The following KCNH7 variants were observed in gnomAD, a reference collection of about 807,000 sequenced individuals.
KCNH7 encodes the protein potassium voltage-gated channel subfamily H member 7.
In KCNH7, 49 loss-of-function variants were observed where a neutral mutation model predicts 120.8. The ratio of observed to expected loss-of-function variants is 0.41; its 90% CI spans 0.32 to 0.51. The LOEUF (loss-of-function observed/expected upper bound fraction) is 0.51, where lower values mean the gene tolerates loss of function less well. KCNH7 is among the 20% of genes least tolerant of loss of function. The pLI, the probability that KCNH7 is intolerant of heterozygous loss-of-function variation, is 0.38. For missense variants in KCNH7, 1,097 were observed against 1,446.6 expected (o/e 0.76, Z 3.92); for synonymous variants, 547 against 516.1 (o/e 1.06, Z -0.81).
chr2:162,786,402 A>T (rs1212447998), intron 2 of KCNH7, among the ~76,000 whole-genome samples: 1 of 152,178 alleles, frequency 6.6e-6, no homozygotes, highest in Non-Finnish European at 1.5e-5. Flanking sequence ...ATAAGAGAAC[A>T]TGCACAGAGG....
At chr2:162,646,986 G>A (rs901491872) in intron 2 of KCNH7, among the ~76,000 whole-genome samples, 2 of 152,116 alleles carry the variant, frequency 1.3e-5, no homozygotes, top group African/African-American at 4.8e-5. Context: ...TAACCTTGTG[G>A]TAATTCATTA....
At chr2:162,757,788 G>A (rs1688838463) in intron 2 of KCNH7, among the ~76,000 whole-genome samples, 1 of 152,116 alleles carries the variant, frequency 6.6e-6, no homozygotes, top group South Asian at 2.1e-4. Flanking sequence ...AATTGCAGAT[G>A]AATGTCTTGT....
At chr2:162,497,457 C>A (rs186426101) in intron 6 of KCNH7, among the ~76,000 whole-genome samples, 2 of 152,186 alleles carry the variant, frequency 1.3e-5, no homozygotes, top group African/African-American at 4.8e-5. Context: ...GCAATGATAG[C>A]TTTGTAGGCT....
At position 162,435,564 on chromosome 2, in the gene KCNH7, G is replaced by A. The variant is rs1455357024; in HGVS notation, c.1588C>T (p.Arg530Ter). The change falls in exon 8 of 16, where the codon CGA (arginine) becomes TGA (stop). Residue 530 changes from arginine (R) to a stop codon, truncating the protein, a stop_gained. Coordinates refer to ENST00000332142, the MANE Select transcript of KCNH7 (RefSeq NM_033272.4). LOFTEE classifies it high-confidence loss of function. ...TTLIGLLKTA[R>*]LLRLVRVARK... The stretch of plus-strand genomic sequence containing the variant: ...GCCACGCGCACAAGACGGAGGAGTC[G>A]GGCAGTCTTCAAAAGACCAATTAAT... 6.2e-7 allele frequency: 1 copy of A among 1,606,898 alleles called. No individual in the cohort carries two copies.
intron 2 of KCNH7, among the ~76,000 whole-genome samples, chr2:162,637,477 A>T (rs1270805054): frequency 1.3e-5 from 2 of 152,132 alleles, no homozygotes; most frequent in Non-Finnish European, 2.9e-5. Context: ...ATATTAGTCA[A>T]AGGATAAAAC....
At chr2:162,429,609 A>G (rs993533602) in intron 8 of KCNH7, among the ~76,000 whole-genome samples, 10 of 151,420 alleles carry the variant, frequency 6.6e-5, no homozygotes, top group Admixed American at 5.3e-4. Context: ...TTTCAGCAAT[A>G]TAACGATTTT....
At chr2:162,460,879 T>C (rs1322792097) in intron 6 of KCNH7, among the ~76,000 whole-genome samples, 1 of 152,232 alleles carries the variant, frequency 6.6e-6, no homozygotes, top group Non-Finnish European at 1.5e-5. Context: ...TGTGTCCTTA[T>C]ACAACAGAAT....
At chr2:162,445,461 ACT>A (rs1289527003) in intron 7 of KCNH7, among the ~76,000 whole-genome samples, 1 of 151,344 alleles carries the variant, frequency 6.6e-6, no homozygotes, top group African/African-American at 2.4e-5. Flanking sequence ...AAAGTTCTGG[ACT>A]CTCTATCCAG....
At chr2:162,429,818 T>G (rs1348640700) in intron 8 of KCNH7, among the ~76,000 whole-genome samples, 1 of 151,620 alleles carries the variant, frequency 6.6e-6, no homozygotes, top group Non-Finnish European at 1.5e-5. Context: ...TTTCATTAAT[T>G]TTGGAAAAAT....
Position 162,504,586 on chromosome 2 carries a change from T to C in KCNH7, c.985A>G (p.Ile329Val), listed in dbSNP as rs764705124. 1 of 1,613,044 alleles carries C rather than the reference T, an allele frequency of 6.2e-7. No individual in the cohort carries two copies. Among genetic ancestry groups the C allele is most frequent in the Non-Finnish European group, 8.5e-7 (1 of 1,179,282 alleles). The change falls in exon 6 of 16, where the codon ATT becomes GTT. Residue 329 changes from isoleucine (I) to valine (V), a missense_variant. By Grantham distance (29) the Ile-to-Val change is conservative. This residue lies in a region of KCNH7 where 362 missense variants were observed against 372.2 expected (regional missense o/e 0.97). Transcript: ENST00000332142. ...AGAGTGAGCTGTGGAATCTTGTTAA[T>C]GGTGCTGTATTTGTTGAGGTTTGAA... ...SDSNLNKYST[I>V]NKIPQLTLNF...
intron 6 of KCNH7, among the ~76,000 whole-genome samples, chr2:162,495,175 T>G (rs1558976772): frequency 6.6e-6 from 1 of 152,142 alleles, no homozygotes; most frequent in Non-Finnish European, 1.5e-5. Flanking sequence ...GAGAAACTGG[T>G]TGTTTTACCA....
At position 162,470,597 on chromosome 2, in the gene KCNH7, C is replaced by T. The variant is rs987440378; in HGVS notation, c.1129-24154G>A. Among the ~76,000 whole-genome samples the T allele has an allele frequency of 3.8e-3, 580 of 151,830 alleles. 10 individuals carry two copies. The highest frequency in any genetic ancestry group is 0.013 in the African/African-American group (536 of 41,454). ...AGGTGGGGGTCAGCCCCCGCCAGGC[C>T]GGCCGCCCCATCCGGGAGGGAGGTG... is the stretch of plus-strand genomic sequence containing the variant. On this transcript the variant is annotated intron_variant, in intron 6 of 15. Coordinates refer to ENST00000332142, the MANE Select transcript of KCNH7 (RefSeq NM_033272.4).
intron 2 of KCNH7, among the ~76,000 whole-genome samples, chr2:162,581,932 T>A (rs1574131701): frequency 1.3e-5 from 2 of 152,068 alleles, no homozygotes; most frequent in Non-Finnish European, 2.9e-5. Flanking sequence ...AAGGATAAAC[T>A]GCTGAGTTGC....
chr2:162,820,406 A>T (rs1685078294), intron 2 of KCNH7, among the ~76,000 whole-genome samples: 1 of 152,100 alleles, frequency 6.6e-6, no homozygotes, highest in Non-Finnish European at 1.5e-5. Context: ...AACAAATACA[A>T]AATGAAGGGT....
chr2:162,587,642 G>C, intron 2 of KCNH7, among the ~76,000 whole-genome samples: 1 of 151,868 alleles, frequency 6.6e-6, no homozygotes, highest in East Asian at 1.9e-4. Context: ...AGTCTATTTT[G>C]GTTTATATAG....
At chr2:162,519,534 T>G (rs1185241150) in intron 3 of KCNH7, among the ~76,000 whole-genome samples, 1 of 147,304 alleles carries the variant, frequency 6.8e-6, no homozygotes, top group African/African-American at 2.7e-5. Flanking sequence ...TTTATGTATC[T>G]TTTTTTATGT....
At chr2:162,485,706 G>T (rs549866667) in intron 6 of KCNH7, among the ~76,000 whole-genome samples, 2 of 152,180 alleles carry the variant, frequency 1.3e-5, no homozygotes, top group South Asian at 4.2e-4. Flanking sequence ...TAATTCAGGT[G>T]CCTGCAGGTA....
At chr2:162,793,808 T>C (rs1684041409) in intron 2 of KCNH7, among the ~76,000 whole-genome samples, 2 of 152,012 alleles carry the variant, frequency 1.3e-5, no homozygotes, top group Admixed American at 1.3e-4. Context: ...GATCTATTTT[T>C]TATTTTCTGT....
chr2:162,726,974 C>T (rs1687549981), intron 2 of KCNH7, among the ~76,000 whole-genome samples: 1 of 152,172 alleles, frequency 6.6e-6, no homozygotes, highest in South Asian at 2.1e-4. Context: ...GGGCTTATCA[C>T]TGCAGCTGAA....
Sources: allele counts gnomAD v4.1 joint callset (sites outside exome capture counted in the v4.1 genomes callset), GRCh38; gene constraint gnomAD v4.1.1; regional missense constraint gnomAD v4.1.1; transcripts MANE v1.5; gene names NCBI Gene and HGNC (gene_info 2026-07-23, HGNC 2026-07-21).